The following PPP1R16A variants were observed in gnomAD, a reference collection of about 807,000 sequenced individuals.
PPP1R16A encodes the protein protein phosphatase 1 regulatory subunit 16A.
A neutral mutation model predicts 46.6 loss-of-function variants in PPP1R16A; 39 were observed. That is an observed-to-expected ratio of 0.84 (90% confidence interval 0.65 to 1.09). PPP1R16A has a LOEUF of 1.09. PPP1R16A is among the 50% of genes least tolerant of loss of function. PPP1R16A has a pLI of 0.00. For synonymous variants in PPP1R16A, 413 were observed against 321.5 expected (o/e 1.28, Z -3.04); for missense variants, 798 against 735.6 (o/e 1.08, Z -0.98).
intron 7 of PPP1R16A, 25 bp downstream of exon 7, chr8:144,500,416 C>G: frequency 6.6e-7 from 1 of 1,518,082 alleles, no homozygotes; most frequent in Non-Finnish European, 8.8e-7. Context: ...GTGAGGGGCA[C>G]ACGGGGCTGG....
At chr8:144,487,733 C>T (rs1015779126) in intron 1 of PPP1R16A, among the ~76,000 whole-genome samples, 10 of 152,198 alleles carry the variant, frequency 6.6e-5, no homozygotes, top group African/African-American at 2.4e-4. Flanking sequence ...TAACTTAGGT[C>T]TTACTTACCA....
chr8:144,502,058 G>C lies in PPP1R16A; in HGVS notation c.*155G>C. 4 of 686,486 alleles carry C rather than the reference G, an allele frequency of 5.8e-6. No individual in the cohort carries two copies. The highest frequency in any genetic ancestry group is 9.1e-6 in the Non-Finnish European group (4 of 438,270). The allele number at this position is 686,486 out of a possible 1,614,324, so 42.5% of individuals were successfully genotyped here. On this transcript the variant is annotated 3_prime_UTR_variant, in exon 12 of 12. Transcript: ENST00000435887. Reference sequence around the variant, plus strand: ...TCAGGTCAGAAGACATGCCTGGAGGGATGTCTGGCTGCAAAGACTATTTTT... The same window carrying C: ...TCAGGTCAGAAGACATGCCTGGAGGCATGTCTGGCTGCAAAGACTATTTTT...
intron 1 of PPP1R16A, among the ~76,000 whole-genome samples, chr8:144,487,120 TG>T (rs1466650786): frequency 4.6e-5 from 7 of 152,054 alleles, no homozygotes; most frequent in African/African-American, 1.7e-4. Context: ...TCAGAGTAGC[TG>T]GGACTACAGG....
intron 1 of PPP1R16A, among the ~76,000 whole-genome samples, chr8:144,486,309 C>T (rs534638109): frequency 1.3e-5 from 2 of 152,180 alleles, no homozygotes; most frequent in South Asian, 2.1e-4. Flanking sequence ...CATGTGATCC[C>T]GCCTGCCCCA....
rs372047040 is a variant in PPP1R16A, at chr8:144,489,540, C to G, written c.-913-494C>G. 1.1e-3 allele frequency among the ~76,000 whole-genome samples: 168 copies of G among 152,210 alleles called. 1 individual carries two copies. Among genetic ancestry groups the G allele is most frequent in the African/African-American group, 3.9e-3 (160 of 41,526 alleles). On this transcript the variant is annotated intron_variant, in intron 1 of 11. Coordinates refer to ENST00000435887, the MANE Select transcript of PPP1R16A (RefSeq NM_001329443.2). ...CTTCCTTGGAGCAGTCTGCAGGCCC[C>G]GGGGATGCCCTGTGTGTAGGAAACT...
intron 3 of PPP1R16A, chr8:144,498,419 C>A: frequency 2.9e-6 from 1 of 345,142 alleles, no homozygotes; most frequent in South Asian, 3.3e-5. Context: ...AGGGAAGAGC[C>A]GAAGGAGCTG....
chr8:144,490,813 GGGAGGCTGAGGCAGGAGGGTC>G (rs772429313), intron 2 of PPP1R16A, among the ~76,000 whole-genome samples: 12 of 152,214 alleles, frequency 7.9e-5, no homozygotes, highest in Non-Finnish European at 1.8e-4. Context: ...ACAACACTTT[GGGAGGCTGAGGCAGGAGGGTC>G]GCGTCAGCCC....
At position 144,500,287 on chromosome 8, in the gene PPP1R16A, G is replaced by A; in HGVS notation, c.601G>A (p.Glu201Lys). 7 of 1,548,912 alleles carry A rather than the reference G, an allele frequency of 4.5e-6. No individual in the cohort carries two copies. Among genetic ancestry groups the A allele is most frequent in the African/African-American group, 1.4e-5 (1 of 73,262 alleles). Residue 201 changes from glutamate to lysine, a missense_variant, in exon 7 of 12, where the codon GAG becomes AAG. Physicochemically the swap from Glu to Lys is moderately conservative, Grantham distance 56. Transcript: ENST00000435887. ...CGCAGGCATCACCCAGGACAGCATC[G>A]AGGCCGCCCGGGCCGTGCCAGAACT... is the stretch of plus-strand genomic sequence containing the variant. ...ADRGITQDSI[E>K]AARAVPELRM...
At chr8:144,492,064 G>T (rs1409754729) in intron 2 of PPP1R16A, among the ~76,000 whole-genome samples, 18 of 152,300 alleles carry the variant, frequency 1.2e-4, no homozygotes, top group Admixed American at 4.6e-4. Flanking sequence ...GGCAGGCAAT[G>T]TGGGGGCGCT....
Position 144,497,300 on chromosome 8 carries a change from A to T in PPP1R16A, c.106A>T (p.Met36Leu), listed in dbSNP as rs778961846. 2 of 1,612,362 alleles carry T rather than the reference A, an allele frequency of 1.2e-6. No individual in the cohort carries two copies. Among genetic ancestry groups the T allele is most frequent in the South Asian group, 2.2e-5 (2 of 91,056 alleles). Residue 36 changes from methionine to leucine, a missense_variant, in exon 3 of 12, where the codon ATG (methionine) becomes TTG (leucine). Coordinates refer to ENST00000435887, the MANE Select transcript of PPP1R16A (RefSeq NM_001329443.2). ...AQKRRAQQVK[M>L]WAQAEKEAQG... ...GAAGCGGCGCGCCCAGCAGGTGAAG[A>T]TGTGGGCCCAGGCTGAGAAGGAGGC...
chr8:144,487,423 G>A (rs1442523639), intron 1 of PPP1R16A, among the ~76,000 whole-genome samples: 1 of 152,116 alleles, frequency 6.6e-6, no homozygotes, highest in Non-Finnish European at 1.5e-5. Context: ...CCAGGCTGGA[G>A]TGCAGTGTTG....
chr8:144,488,517 T>C (rs1825693575), intron 1 of PPP1R16A, among the ~76,000 whole-genome samples: 1 of 151,800 alleles, frequency 6.6e-6, no homozygotes, highest in Non-Finnish European at 1.5e-5. Flanking sequence ...GAGTGGGATG[T>C]TGAATGGAGG....
intron 5 of PPP1R16A, chr8:144,499,890 G>A (rs977195293): frequency 6.6e-5 from 38 of 576,834 alleles, no homozygotes; most frequent in Admixed American, 3.0e-4. Context: ...TGGATGGATA[G>A]AGACTGCAGG....
In PPP1R16A at chr8:144,501,962, CG is replaced by C. The variant is rs1826536949; in HGVS notation, c.*61del. 6.9e-7 allele frequency: 1 copy of C among 1,448,206 alleles called. No homozygotes were observed. Among genetic ancestry groups the C allele is most frequent in the Non-Finnish European group, 9.1e-7 (1 of 1,100,214 alleles). The allele number at this position is 1,448,206 out of a possible 1,614,324, so 89.7% of individuals were successfully genotyped here. A position where few individuals can be genotyped will look rare whatever the true frequency, so the allele number is the denominator to read the frequency against. Reference sequence around the variant, plus strand: ...GGCACAGCCCAAGGCTGCCTCCCCACGGTGCGTGCCCTGGTGCTGCGGGTGC... The same window carrying C: ...GGCACAGCCCAAGGCTGCCTCCCCACGTGCGTGCCCTGGTGCTGCGGGTGC... On this transcript the variant is annotated 3_prime_UTR_variant, in exon 12 of 12. Transcript: ENST00000435887.
At position 144,497,276 on chromosome 8, in the gene PPP1R16A, A is replaced by T. The variant is rs1020564969; in HGVS notation, c.82A>T (p.Lys28Ter). The T allele has an allele frequency of 3.7e-6, 6 of 1,611,090 alleles. No homozygotes were observed. The African/African-American group carries it at 6.7e-5, about 18-fold the overall frequency. The change falls in exon 3 of 12, where the codon AAG becomes TAG. Residue 28 changes from lysine (K) to a stop codon, truncating the protein, a stop_gained. Transcript: ENST00000435887. LOFTEE classifies it high-confidence loss of function. ...ACAGGAGCGGCTGAAGCATGCCCAG[A>T]AGCGGCGCGCCCAGCAGGTGAAGAT... ...STQERLKHAQ[K>*]RRAQQVKMWA... is the part of the protein sequence containing the mutation.
chr8:144,489,053 T>C (rs1825708776), intron 1 of PPP1R16A, among the ~76,000 whole-genome samples: 1 of 150,314 alleles, frequency 6.7e-6, no homozygotes. Context: ...AAAATACAAA[T>C]ATTAGCCGGG....
chr8:144,494,830 A>C lies in PPP1R16A; in HGVS notation c.-734-1631A>C, dbSNP rs77593776. 9.3e-3 allele frequency among the ~76,000 whole-genome samples: 1,418 copies of C among 152,166 alleles called. 72 individuals are homozygous for C. In the East Asian group the frequency reaches 0.11, roughly 12 times the overall value. The stretch of plus-strand genomic sequence containing the variant: ...GGCTGTGAGTGGCTGGCAGGGAGGG[A>C]GGGCTCTGGCATGCCAGGTGTGGTC... On this transcript the variant is annotated intron_variant, in intron 2 of 11. Coordinates refer to ENST00000435887, the MANE Select transcript of PPP1R16A (RefSeq NM_001329443.2).
At chr8:144,483,612 G>A (rs1487685115) in intron 1 of PPP1R16A, among the ~76,000 whole-genome samples, 1 of 151,882 alleles carries the variant, frequency 6.6e-6, no homozygotes, top group African/African-American at 2.4e-5. Flanking sequence ...TACCCTGTTG[G>A]TCAGGCTGGT....
At chr8:144,500,655 GCAGT>G in intron 8 of PPP1R16A, 27 bp from the exon 9 acceptor site, 1 of 1,606,762 alleles carries the variant, frequency 6.2e-7, no homozygotes, top group South Asian at 1.1e-5. Context: ...TTCCAGCGCA[GCAGT>G]CTGCAGCTCC....
Sources: gnomAD v4.1 joint callset for allele counts (sites outside exome capture counted in the v4.1 genomes callset) on GRCh38, gnomAD v4.1.1 for gene constraint, MANE v1.5 for transcripts, NCBI Gene and HGNC (gene_info 2026-07-23, HGNC 2026-07-21) for gene names.